Variants in RAB44 observed in about 807,000 individuals in gnomAD.
RAB44 encodes RAB44, member RAS oncogene family.
Under a neutral mutation model 93.3 loss-of-function variants are expected in RAB44, and 67 were observed. That is an observed-to-expected ratio of 0.72 (90% CI 0.59 to 0.88). RAB44 has a LOEUF of 0.88. Ranked by LOEUF, RAB44 falls within the 40% of genes least tolerant of loss-of-function variation. The pLI is 0.00. For synonymous variants in RAB44, 427 were observed against 520.3 expected, an observed-to-expected ratio of 0.82 and a Z score of 2.44; for missense variants, 1,064 against 1,261.7, an observed-to-expected ratio of 0.84 and a Z score of 2.37.
At chr6:36,702,362 G>GA (rs2150323209) in intron 1 of RAB44, among the ~76,000 whole-genome samples, 1 of 146,116 alleles carries the variant, frequency 6.8e-6, no homozygotes, top group Admixed American at 6.8e-5. Context: ...TTGAAGTTTG[G>GA]GGCCTCCTAA....
intron 11 of RAB44, 108 bp from the exon 12 acceptor site, chr6:36,728,592 C>T (rs1763290338): frequency 1.2e-6 from 1 of 805,802 alleles, no homozygotes; most frequent in Non-Finnish European, 2.1e-6. Flanking sequence ...GTGGATGTGG[C>T]CTGGGAGGGG....
intron 9 of RAB44, among the ~76,000 whole-genome samples, chr6:36,723,375 G>A (rs1413940592): frequency 6.6e-6 from 1 of 152,182 alleles, no homozygotes; most frequent in Non-Finnish European, 1.5e-5. Flanking sequence ...CTGACATGTA[G>A]TGAGTACTCA....
chr6:36,730,648 A>G (rs970006268), intron 12 of RAB44, 25 bp from the exon 13 acceptor site: 1 of 1,229,454 alleles, frequency 8.1e-7, no homozygotes, highest in Non-Finnish European at 1.0e-6. Context: ...CAAGGCACAT[A>G]TGTCCCTCCC....
chr6:36,706,815 C>T (rs1762661191), intron 2 of RAB44, among the ~76,000 whole-genome samples: 2 of 152,012 alleles, frequency 1.3e-5, no homozygotes, highest in South Asian at 4.1e-4. Flanking sequence ...CAACCTCCGC[C>T]TCCTGGGTTC....
In RAB44 at chr6:36,732,426, G is replaced by T. The variant is rs970432017; in HGVS notation, c.*333G>T. The T allele has an allele frequency of 1.2e-5, 1 of 84,026 alleles. No homozygotes were observed. The highest frequency in any genetic ancestry group is 2.4e-5 in the Non-Finnish European group (1 of 41,192). The allele number at this position is 84,026 out of a possible 1,614,324, so 5.2% of individuals were successfully genotyped here. A position where few individuals can be genotyped will look rare whatever the true frequency, so the allele number is the denominator to read the frequency against. The stretch of plus-strand genomic sequence containing the variant: ...AAAATTTTAGGGAGAATGTGGGGGG[G>T]GGGTGTTACTTTCCATTTTACACAT... On this transcript the variant is annotated 3_prime_UTR_variant, in exon 14 of 14. Coordinates refer to ENST00000612677, the MANE Select transcript of RAB44 (RefSeq NM_001257357.2).
chr6:36,700,618 T>C (rs1287177595), intron 1 of RAB44, among the ~76,000 whole-genome samples: 1 of 151,878 alleles, frequency 6.6e-6, no homozygotes. Flanking sequence ...TATTTTATTT[T>C]GTAGAGACAG....
intron 3 of RAB44, among the ~76,000 whole-genome samples, chr6:36,714,205 T>C (rs549953447): frequency 6.6e-6 from 1 of 152,334 alleles, no homozygotes; most frequent in African/African-American, 2.4e-5. Context: ...ACAGATTTGT[T>C]TCCGCCTGAG....
intron 13 of RAB44, 35 bp downstream of exon 13, chr6:36,730,784 C>CCCCCCCCCCCCA (rs1763346527): frequency 9.1e-7 from 1 of 1,095,268 alleles, no homozygotes; most frequent in Non-Finnish European, 1.1e-6. Flanking sequence ...CCCCCACCCC[C>CCCCCCCCCCCCA]CCCCTTGCAG....
At chr6:36,727,724 C>A in intron 11 of RAB44, 33 bp downstream of exon 11, 3 of 1,385,656 alleles carry the variant, frequency 2.2e-6, no homozygotes, top group Non-Finnish European at 3.0e-6. Context: ...TGGCCCCAGT[C>A]CCTCCAGTCA....
At position 36,724,183 on chromosome 6, in the gene RAB44, T is replaced by TTTA. The variant is rs1562066138; in HGVS notation, c.2599+1452_2599+1453insATT. On this transcript the variant is annotated intron_variant, in intron 9 of 13. Transcript: ENST00000612677. ...TATTTATTTATTTATTTATTTATTT[T>TTTA]TTGAGATGGAGTCTCGCCCTGTCAC... Among the ~76,000 whole-genome samples, 171 of 131,800 alleles carry TTTA rather than the reference T, an allele frequency of 1.3e-3. 1 individual carries two copies. Among genetic ancestry groups the TTTA allele is most frequent in the African/African-American group, 4.8e-3 (163 of 33,640 alleles). The allele number at this position is 131,800 out of a possible 152,430, so 86.5% of individuals were successfully genotyped here.
intron 7 of RAB44, among the ~76,000 whole-genome samples, chr6:36,719,152 G>T (rs897278814): frequency 3.3e-5 from 5 of 152,060 alleles, no homozygotes; most frequent in Non-Finnish European, 7.4e-5. Context: ...TGTGATCAGC[G>T]CCCCATTATC....
chr6:36,702,293 G>GGAGAGAGAGA lies in RAB44; in HGVS notation c.-12-1894_-12-1885dup, dbSNP rs567475229. 4.2e-3 allele frequency among the ~76,000 whole-genome samples: 483 copies of GGAGAGAGAGA among 115,156 alleles called. 10 individuals carry two copies. The highest frequency in any genetic ancestry group is 0.016 in the African/African-American group (448 of 27,758). 75.5% of individuals were successfully genotyped at this position (115,156 alleles called of 152,430 possible). A position where few individuals can be genotyped will look rare whatever the true frequency, so the allele number is the denominator to read the frequency against. On this transcript the variant is annotated intron_variant, in intron 1 of 13. Coordinates refer to ENST00000612677, the MANE Select transcript of RAB44 (RefSeq NM_001257357.2). ...TTCATCTGAAACAGACTTCGAAGGGGGAGAGAGAGAGAGAGAGAGAGAGAG... is the reference window on the plus strand; with the variant it reads ...TTCATCTGAAACAGACTTCGAAGGGGGAGAGAGAGAGAGAGAGAGAGAGAGAGAGAGAGAG...
chr6:36,730,977 T>G (rs903514175), intron 13 of RAB44, among the ~76,000 whole-genome samples: 1 of 151,944 alleles, frequency 6.6e-6, no homozygotes, highest in African/African-American at 2.4e-5. Flanking sequence ...GCTGAATCAC[T>G]CCCCACAGGC....
At position 36,717,220 on chromosome 6, in the gene RAB44, C is replaced by T; in HGVS notation, c.495-53C>T. ...GAGGAGTGGGGCTCCCCTTGCTTCTCCATCCCACCTTGTGTCTGACCCTCC... is the reference window on the plus strand; with the variant it reads ...GAGGAGTGGGGCTCCCCTTGCTTCTTCATCCCACCTTGTGTCTGACCCTCC... On this transcript the variant is annotated intron_variant, in intron 4 of 13. Transcript: ENST00000612677. The surrounding 1 kb of genome is among the most constrained non-coding windows in gnomAD (Gnocchi z 4.1). 8.1e-7 allele frequency: 1 copy of T among 1,231,138 alleles called. No homozygotes were observed. The highest frequency in any genetic ancestry group is 1.0e-6 in the Non-Finnish European group (1 of 987,232). The allele number at this position is 1,231,138 out of a possible 1,614,324, so 76.3% of individuals were successfully genotyped here. A position where few individuals can be genotyped will look rare whatever the true frequency, so the allele number is the denominator to read the frequency against.
chr6:36,717,956 G>T lies in RAB44; in HGVS notation c.642-72G>T. 2.1e-6 allele frequency: 2 copies of T among 960,236 alleles called. No individual in the cohort carries two copies. The highest frequency in any genetic ancestry group is 1.1e-4 in the South Asian group (2 of 18,782). 59.5% of individuals were successfully genotyped at this position (960,236 alleles called of 1,614,324 possible). ...AGGATGGATTCCAAACCCAAGCCCAGACTGCCCCTGCCAGCAGCAGGCTCC... is the reference window on the plus strand; with the variant it reads ...AGGATGGATTCCAAACCCAAGCCCATACTGCCCCTGCCAGCAGCAGGCTCC... On this transcript the variant is annotated intron_variant, in intron 5 of 13. Transcript: ENST00000612677. The surrounding 1 kb of genome is among the most constrained non-coding windows in gnomAD (Gnocchi z 4.1).
intron 2 of RAB44, among the ~76,000 whole-genome samples, chr6:36,708,658 AG>A (rs1278889778): frequency 6.6e-6 from 1 of 152,136 alleles, no homozygotes; most frequent in Non-Finnish European, 1.5e-5. Context: ...CTTTTTTATA[AG>A]GGAGATACCT....
chr6:36,728,506 G>A (rs1475036251), intron 11 of RAB44, among the ~76,000 whole-genome samples, 194 bp from the exon 12 acceptor site: 2 of 152,086 alleles, frequency 1.3e-5, no homozygotes, highest in Admixed American at 1.3e-4. Flanking sequence ...CTTAAGGTTG[G>A]CCTTGGAAAA....
intron 10 of RAB44, among the ~76,000 whole-genome samples, chr6:36,726,589 C>T (rs1474503402): frequency 6.6e-6 from 1 of 152,136 alleles, no homozygotes; most frequent in African/African-American, 2.4e-5. Context: ...TGCAGTTCCA[C>T]TTCTAGAAAT....
Position 36,727,576 on chromosome 6 carries a change from G to C in RAB44, c.2682-1G>C. The C allele has an allele frequency of 1.3e-6, 2 of 1,549,502 alleles. No homozygotes were observed. The highest frequency in any genetic ancestry group is 1.7e-6 in the Non-Finnish European group (2 of 1,146,114). On this transcript the variant is annotated splice_acceptor_variant, in intron 10 of 13. Transcript: ENST00000612677. LOFTEE classifies it high-confidence loss of function. ...TGGCCTCATGCAGACTCTCTGGGCA[G>C]GTACCACAGTATGACGCGACAGCTG...
Sources: gnomAD v4.1 joint callset for allele counts (sites outside exome capture counted in the v4.1 genomes callset) on GRCh38, gnomAD v4.1.1 for gene constraint, Gnocchi (gnomAD v3.1) non-coding constraint, MANE v1.5 for transcripts, NCBI Gene and HGNC (gene_info 2026-07-23, HGNC 2026-07-21) for gene names.